Variants in DNM3 observed in about 807,000 individuals in gnomAD.
DNM3 encodes dynamin-3.
A neutral mutation model predicts 101.6 loss-of-function variants in DNM3; 47 were observed. The observed-to-expected ratio is 0.46, with a 90% CI of 0.37 to 0.59. DNM3 has a LOEUF of 0.59. Ranked by LOEUF, DNM3 falls within the 20% of genes least tolerant of loss-of-function variation. DNM3 has a pLI of 0.00. For synonymous variants in DNM3, 385 were observed against 387.9 expected (o/e 0.99, Z 0.09); for missense variants, 849 against 1,085.7 (o/e 0.78, Z 3.06).
intron 10 of DNM3, among the ~76,000 whole-genome samples, chr1:172,053,152 C>T (rs1231705995): frequency 1.3e-5 from 2 of 152,076 alleles, no homozygotes; most frequent in Non-Finnish European, 2.9e-5. Context: ...TATTTAGGTT[C>T]CCTGTCTGAT....
At chr1:172,392,670 T>C (rs373134118) in intron 20 of DNM3, among the ~76,000 whole-genome samples, 7 of 152,226 alleles carry the variant, frequency 4.6e-5, no homozygotes, top group African/African-American at 1.7e-4. Flanking sequence ...ATTTCACTCA[T>C]TTGTCTTCTT....
At chr1:172,416,683 A>T (rs972361709), downstream of DNM3, among the ~76,000 whole-genome samples, 12 of 152,202 alleles carry the variant, frequency 7.9e-5, no homozygotes, top group Non-Finnish European at 1.0e-4. Flanking sequence ...TGCTGAGGTC[A>T]TTAAAGTGTT....
chr1:171,892,822 A>AACTACCCTCTCCCCTTACCCCTTCAG (rs1558223633), intron 1 of DNM3, among the ~76,000 whole-genome samples: 3 of 152,074 alleles, frequency 2.0e-5, no homozygotes, highest in African/African-American at 7.3e-5. Flanking sequence ...CCTAAGGCGC[A>AACTACCCTCTCCCCTTACCCCTTCAG]TGCAACCTAG....
chr1:172,296,125 A>C (rs867808773), intron 15 of DNM3, among the ~76,000 whole-genome samples: 3 of 152,230 alleles, frequency 2.0e-5, no homozygotes, highest in Admixed American at 6.5e-5. Context: ...TCATTACTCA[A>C]TAAATATCTA....
chr1:171,902,753 T>A (rs2038474249), intron 1 of DNM3, among the ~76,000 whole-genome samples: 1 of 152,220 alleles, frequency 6.6e-6, no homozygotes, highest in South Asian at 2.1e-4. Flanking sequence ...TAGGTGTTTA[T>A]CAAGGATTGG....
chr1:172,375,537 T>A lies in DNM3; in HGVS notation c.1894-3481T>A, dbSNP rs181290649. On this transcript the variant is annotated intron_variant, in intron 17 of 20. Transcript: ENST00000627582. The stretch of plus-strand genomic sequence containing the variant: ...TTTTCATCGTGATGACCTGATTTAC[T>A]AAGAAAAAGTCTTCAAATAAGTCTA... 1.9e-3 allele frequency among the ~76,000 whole-genome samples: 291 copies of A among 152,122 alleles called. 3 individuals carry two copies. The highest frequency in any genetic ancestry group is 6.5e-3 in the African/African-American group (272 of 41,540).
chr1:172,292,853 A>T (rs1465997183), intron 15 of DNM3, among the ~76,000 whole-genome samples: 1 of 152,176 alleles, frequency 6.6e-6, no homozygotes, highest in Non-Finnish European at 1.5e-5. Context: ...CCTCCCAAAA[A>T]ATGACTAATT....
At chr1:172,323,256 A>C in intron 16 of DNM3, 73 bp from the exon 17 acceptor site, 2 of 1,459,724 alleles carry the variant, frequency 1.4e-6, no homozygotes, top group Non-Finnish European at 1.8e-6. Flanking sequence ...GTAGAAGAAA[A>C]AACCCTCATA....
chr1:171,913,627 C>T (rs1171794238), intron 1 of DNM3, among the ~76,000 whole-genome samples: 1 of 152,134 alleles, frequency 6.6e-6, no homozygotes, highest in African/African-American at 2.4e-5. Context: ...GATTCTTGAC[C>T]TCAGTGCTTC....
intron 14 of DNM3, among the ~76,000 whole-genome samples, chr1:172,242,232 A>G (rs928317902): frequency 7.2e-5 from 11 of 152,160 alleles, no homozygotes; most frequent in Admixed American, 2.6e-4. Context: ...GCAGGGCAAG[A>G]AATGGGCTGA....
chr1:172,011,534 C>G (rs1446279619), intron 4 of DNM3, among the ~76,000 whole-genome samples: 1 of 151,906 alleles, frequency 6.6e-6, no homozygotes, highest in African/African-American at 2.4e-5. Context: ...CAGAAATTAC[C>G]TCCAAGCAGA....
At chr1:172,324,239 C>T (rs899342654) in intron 17 of DNM3, among the ~76,000 whole-genome samples, 1 of 152,138 alleles carries the variant, frequency 6.6e-6, no homozygotes, top group Non-Finnish European at 1.5e-5. Context: ...AAACGGGCCT[C>T]ATTGAATACA....
chr1:172,256,588 C>T (rs2062408084), intron 15 of DNM3, among the ~76,000 whole-genome samples: 1 of 151,854 alleles, frequency 6.6e-6, no homozygotes, highest in African/African-American at 2.4e-5. Context: ...TTTATGATCA[C>T]TCTTGCTAGA....
At chr1:172,043,419 A>G (rs2049536175) in intron 8 of DNM3, among the ~76,000 whole-genome samples, 2 of 152,196 alleles carry the variant, frequency 1.3e-5, no homozygotes, top group African/African-American at 4.8e-5. Flanking sequence ...CAGAGAGGTG[A>G]GTGCTTATGT....
At chr1:171,995,506 G>T (rs1259286001) in intron 4 of DNM3, among the ~76,000 whole-genome samples, 1 of 151,192 alleles carries the variant, frequency 6.6e-6, no homozygotes, top group Non-Finnish European at 1.5e-5. Context: ...AACAATTTTT[G>T]CCAGTGTTCT....
At chr1:172,261,760 G>T (rs757909509) in intron 15 of DNM3, among the ~76,000 whole-genome samples, 9 of 152,232 alleles carry the variant, frequency 5.9e-5, no homozygotes, top group Non-Finnish European at 1.2e-4. Flanking sequence ...CTTTCAGGTG[G>T]TGTGTATGGT....
At chr1:172,038,064 C>G (rs2049097137) in intron 6 of DNM3, among the ~76,000 whole-genome samples, 1 of 152,062 alleles carries the variant, frequency 6.6e-6, no homozygotes, top group African/African-American at 2.4e-5. Context: ...ACAGGGTCTT[C>G]CTGGATTTAA....
chr1:171,849,347 C>A (rs2032629256), intron 1 of DNM3, among the ~76,000 whole-genome samples: 1 of 152,168 alleles, frequency 6.6e-6, no homozygotes, highest in South Asian at 2.1e-4. Context: ...ATAGGGATTG[C>A]AGACTTCACC....
At chr1:172,137,460 C>A (rs917228506) in intron 14 of DNM3, 2 of 152,030 alleles carry the variant, frequency 1.3e-5, no homozygotes, top group Non-Finnish European at 2.9e-5. Context: ...TGTAGTTTTG[C>A]CCCATCATTC....
Sources: allele counts gnomAD v4.1 joint callset (sites outside exome capture counted in the v4.1 genomes callset), GRCh38; gene constraint gnomAD v4.1.1; transcripts MANE v1.5; gene names NCBI Gene and HGNC (gene_info 2026-07-23, HGNC 2026-07-21).